The following TPRG1 variants were observed in gnomAD, a reference collection of about 807,000 sequenced individuals.
The protein encoded by TPRG1 is tumor protein p63-regulated gene 1 protein.
Under a neutral mutation model 29.3 loss-of-function variants are expected in TPRG1, and 29 were observed. The observed-to-expected ratio is 0.99, with a 90% CI of 0.74 to 1.35. The LOEUF (loss-of-function observed/expected upper bound fraction) is 1.35, where lower values mean the gene tolerates loss of function less well. TPRG1 is among the 40% of genes most tolerant of loss of function. The probability of loss-of-function intolerance (pLI) is 0.00; values close to 1 mark genes in which losing one functional copy is unlikely to be tolerated. For missense variants in TPRG1, 327 were observed against 335.0 expected (o/e 0.98, Z 0.19); for synonymous variants, 130 against 116.8 (o/e 1.11, Z -0.73).
chr3:189,179,768 C>T (rs1280801799), intron 1 of TPRG1, among the ~76,000 whole-genome samples: 1 of 152,132 alleles, frequency 6.6e-6, no homozygotes, highest in Non-Finnish European at 1.5e-5. Flanking sequence ...CTCTTTTATG[C>T]CATTTAGAGT....
chr3:189,262,968 A>G (rs575611052), intron 4 of TPRG1, among the ~76,000 whole-genome samples: 1 of 152,358 alleles, frequency 6.6e-6, no homozygotes, highest in South Asian at 2.1e-4. Context: ...AGAGATGGCA[A>G]GAGAGAGAGC....
chr3:189,009,965 GC>G (rs375056963), intron 3 of TPRG1, among the ~76,000 whole-genome samples: 67 of 151,906 alleles, frequency 4.4e-4, no homozygotes, highest in African/African-American at 1.3e-3. Context: ...CCTCCCACAG[GC>G]CCCAGTGCAT....
intron 4 of TPRG1, among the ~76,000 whole-genome samples, chr3:189,064,486 A>C (rs1304503542): frequency 6.6e-6 from 1 of 152,188 alleles, no homozygotes; most frequent in South Asian, 2.1e-4. Context: ...TTAGAAAAAA[A>C]GCAAAATACA....
At chr3:189,004,832 C>T (rs545429474) in intron 3 of TPRG1, 2 of 152,106 alleles carry the variant, frequency 1.3e-5, no homozygotes, top group African/African-American at 4.8e-5. Context: ...CTATCCTAAC[C>T]CATACTGCCC....
intron 4 of TPRG1, among the ~76,000 whole-genome samples, chr3:189,275,140 T>C (rs1474172771): frequency 6.6e-6 from 1 of 152,150 alleles, no homozygotes; most frequent in African/African-American, 2.4e-5. Context: ...TCTTTTTAGC[T>C]GAACTTCAAA....
At chr3:189,095,455 A>G (rs1299949709), upstream of TPRG1, among the ~76,000 whole-genome samples, 3 of 152,232 alleles carry the variant, frequency 2.0e-5, no homozygotes, top group South Asian at 4.1e-4. Flanking sequence ...TGTGGGACCC[A>G]TAGCCAAACA....
intron 1 of TPRG1, among the ~76,000 whole-genome samples, chr3:189,110,571 G>C (rs772105681): frequency 6.6e-6 from 1 of 151,836 alleles, no homozygotes; most frequent in Non-Finnish European, 1.5e-5. Context: ...AAAAAAATTT[G>C]GCTTAGACTT....
rs551614699 is a variant in TPRG1, at chr3:189,238,823, T to G, written c.393T>G (p.Ser131Arg). 8 of 1,613,722 alleles carry G rather than the reference T, an allele frequency of 5.0e-6. No individual in the cohort carries two copies. The East Asian group carries it at 1.6e-4, about 31-fold the overall frequency. The stretch of plus-strand genomic sequence containing the variant: ...GCAAATACGACTTCATCATGCTGAG[T>G]TGTGTGCAGCTGCAGCGGATTCCTC... The part of the protein sequence containing the change: ...LICKYDFIML[S>R]CVQLQRIPLS... The change falls in exon 4 of 6, where the codon AGT (serine) becomes AGG (arginine). Residue 131 changes from serine to arginine, a missense_variant. Physicochemically the swap from Ser to Arg is moderately radical, Grantham distance 110 (BLOSUM62 -1). Transcript: ENST00000345063.
At chr3:189,284,164 G>A (rs1243575748) in intron 4 of TPRG1, among the ~76,000 whole-genome samples, 7 of 150,084 alleles carry the variant, frequency 4.7e-5, no homozygotes, top group African/African-American at 1.2e-4. Context: ...ATCCCTCCCC[G>A]CATTTTTCTT....
At chr3:189,080,691 G>C (rs1303522683) in intron 4 of TPRG1, among the ~76,000 whole-genome samples, 1 of 152,098 alleles carries the variant, frequency 6.6e-6, no homozygotes, top group African/African-American at 2.4e-5. Context: ...TGAGGCATTT[G>C]GGAAAATGGG....
chr3:189,110,153 T>C (rs996639269), intron 1 of TPRG1, among the ~76,000 whole-genome samples: 2 of 152,214 alleles, frequency 1.3e-5, no homozygotes, highest in African/African-American at 4.8e-5. Context: ...TGCTGCATTG[T>C]GTAGTATATG....
In TPRG1 at chr3:189,003,515, T is replaced by C. The variant is rs999982957; in HGVS notation, c.-877-1028T>C. Among the ~76,000 whole-genome samples, 25 of 152,190 alleles carry C rather than the reference T, an allele frequency of 1.6e-4. 1 individual carries two copies. Among genetic ancestry groups the C allele is most frequent in the Admixed American group, 1.5e-3 (23 of 15,262 alleles). On this transcript the variant is annotated intron_variant, in intron 2 of 10. Coordinates refer to the TPRG1 transcript ENST00000433971. ...CAGGAAAAGTTTAATCTCTCCTCTT[T>C]GAGACTGTTCTTCAAAATTCTTGGA... is the stretch of plus-strand genomic sequence containing the variant.
rs567980623 is a variant in TPRG1 at position 189,223,202 on chromosome 3, T to C, written c.302+7819T>C. On this transcript the variant is annotated intron_variant, in intron 3 of 5. Coordinates refer to ENST00000345063, the MANE Select transcript of TPRG1 (RefSeq NM_198485.4). ...CTCAGATTTGGTTCTGATCAAGTAA[T>C]CCACTGTATGAAGCCCTTGGCTGAT... 2.6e-5 allele frequency among the ~76,000 whole-genome samples: 4 copies of C among 152,182 alleles called. No individual in the cohort carries two copies. In the South Asian group the frequency reaches 8.3e-4, roughly 32 times the overall value.
At chr3:189,146,512 ATGCCC>A (rs1725285020) in intron 3 of TPRG1, among the ~76,000 whole-genome samples, 1 of 152,194 alleles carries the variant, frequency 6.6e-6, no homozygotes, top group African/African-American at 2.4e-5. Context: ...AGGACCTGCA[ATGCCC>A]TGTACAGAGT....
intron 1 of TPRG1, among the ~76,000 whole-genome samples, chr3:189,190,225 CAT>C (rs1731493963): frequency 6.6e-6 from 1 of 152,160 alleles, no homozygotes; most frequent in African/African-American, 2.4e-5. Context: ...ACAAATAGGA[CAT>C]ATTATATAAG....
chr3:189,301,298 CAAAAAA>C (rs10618021), intron 4 of TPRG1, among the ~76,000 whole-genome samples: 1 of 43,602 alleles, frequency 2.3e-5, no homozygotes, highest in African/African-American at 7.7e-5. Flanking sequence ...GACTCCATCT[CAAAAAA>C]AAAAAAAAAA....
At chr3:189,303,821 T>A (rs946469485) in intron 4 of TPRG1, among the ~76,000 whole-genome samples, 1 of 152,200 alleles carries the variant, frequency 6.6e-6, no homozygotes, top group Non-Finnish European at 1.5e-5. Context: ...TTTGTCTTCC[T>A]CTCTTCAGCC....
chr3:189,262,281 A>G (rs1279126246), intron 4 of TPRG1, among the ~76,000 whole-genome samples: 1 of 148,126 alleles, frequency 6.8e-6, no homozygotes, highest in Non-Finnish European at 1.5e-5. Flanking sequence ...TATATGAAGT[A>G]TACGTCTTTG....
chr3:189,320,777 A>G lies in TPRG1; in HGVS notation c.785A>G (p.Asn262Ser). 6.2e-7 allele frequency: 1 copy of G among 1,609,854 alleles called. No individual in the cohort carries two copies. Among genetic ancestry groups the G allele is most frequent in the Admixed American group, 1.7e-5 (1 of 59,398 alleles). The stretch of plus-strand genomic sequence containing the variant: ...CTGATGTCATTCATTGGAAACCGCA[A>G]CAAACTTGGCTATTCCCTTGCCCGT... The part of the protein sequence containing the change: ...TGLMSFIGNR[N>S]KLGYSLARGS... The change falls in exon 6 of 6, where the codon AAC (asparagine) becomes AGC (serine). Residue 262 changes from asparagine (N) to serine (S), a missense_variant. Asn to Ser is a conservative substitution (Grantham distance 46). Coordinates refer to ENST00000345063, the MANE Select transcript of TPRG1 (RefSeq NM_198485.4).
Sources: allele counts gnomAD v4.1 joint callset (sites outside exome capture counted in the v4.1 genomes callset), GRCh38; gene constraint gnomAD v4.1.1; transcripts MANE v1.5; gene names NCBI Gene and HGNC (gene_info 2026-07-23, HGNC 2026-07-21).